The following CDK13 variants were observed in gnomAD, a reference collection of about 807,000 sequenced individuals.
CDK13 encodes the protein cyclin-dependent kinase 13.
CDK13 carries 40 observed loss-of-function variants against 137.6 expected under a neutral mutation model. The ratio of observed to expected loss-of-function variants is 0.29; its 90% CI spans 0.23 to 0.38. CDK13 has a LOEUF of 0.38. Ranked by LOEUF, CDK13 falls within the 10% of genes least tolerant of loss-of-function variation. CDK13 has a pLI of 1.00. For missense variants in CDK13, 1,704 were observed against 1,951.8 expected, an observed-to-expected ratio of 0.87 and a Z score of 2.39; for synonymous variants, 869 against 760.1, an observed-to-expected ratio of 1.14 and a Z score of -2.36.
intron 1 of CDK13, among the ~76,000 whole-genome samples, chr7:39,955,706 G>T (rs10236585): frequency 0.11 from 16,934 of 151,926 alleles, 3,100 homozygotes; most frequent in African/African-American, 0.38. Flanking sequence ...ATGAACAATT[G>T]GGTTTAAATC....
At chr7:39,992,238 C>G (rs1784479471) in intron 2 of CDK13, among the ~76,000 whole-genome samples, 1 of 151,770 alleles carries the variant, frequency 6.6e-6, no homozygotes, top group African/African-American at 2.4e-5. Flanking sequence ...TGCCCTGTTG[C>G]CCAGGCTGGA....
At chr7:40,027,796 CTT>C (rs932061384) in intron 5 of CDK13, among the ~76,000 whole-genome samples, 3 of 151,302 alleles carry the variant, frequency 2.0e-5, no homozygotes, top group Non-Finnish European at 4.4e-5. Context: ...GAGGTTGAGA[CTT>C]AACGCTGAGA....
intron 1 of CDK13, among the ~76,000 whole-genome samples, chr7:39,969,969 C>T (rs975375467): frequency 1.1e-4 from 16 of 150,836 alleles, no homozygotes; most frequent in African/African-American, 2.4e-4. Flanking sequence ...CAAGAGCAAA[C>T]GTTTTAAATT....
rs66520870 is a variant in CDK13, at chr7:39,991,484, A to AGTGTGT, written c.1871+3261_1871+3266dup. ...TTGTATCCACAAATACATTAGCAAA[A>AGTGTGT]GTGTGTGTGTGTGTGTGTGTGTGTG... is the stretch of plus-strand genomic sequence containing the variant. On this transcript the variant is annotated intron_variant, in intron 2 of 13. Coordinates refer to ENST00000181839, the MANE Select transcript of CDK13 (RefSeq NM_003718.5). Among the ~76,000 whole-genome samples, 501 of 143,772 alleles carry AGTGTGT rather than the reference A, an allele frequency of 3.5e-3. 1 individual carries two copies. Among genetic ancestry groups the AGTGTGT allele is most frequent in the South Asian group, 6.6e-3 (29 of 4,416 alleles). 94.3% of individuals were successfully genotyped at this position (143,772 alleles called of 152,430 possible). A position where few individuals can be genotyped will look rare whatever the true frequency, so the allele number is the denominator to read the frequency against.
At chr7:40,053,541 A>G (rs1402596990) in intron 7 of CDK13, among the ~76,000 whole-genome samples, 1 of 152,130 alleles carries the variant, frequency 6.6e-6, no homozygotes, top group African/African-American at 2.4e-5. Flanking sequence ...GTGAATCTAC[A>G]TAAGCTGTTT....
At chr7:39,997,090 TAA>T (rs1469469857) in intron 2 of CDK13, among the ~76,000 whole-genome samples, 1 of 151,524 alleles carries the variant, frequency 6.6e-6, no homozygotes, top group Admixed American at 6.6e-5. Context: ...TTTTAAAAAA[TAA>T]ACTTTATTTT....
chr7:40,063,901 C>T lies in CDK13; in HGVS notation c.2780+801C>T, dbSNP rs537897619. Among the ~76,000 whole-genome samples, 31 of 152,156 alleles carry T rather than the reference C, an allele frequency of 2.0e-4. No individual in the cohort carries two copies. In the East Asian group the frequency reaches 5.1e-3, roughly 25 times the overall value. On this transcript the variant is annotated intron_variant, in intron 9 of 13. Coordinates refer to ENST00000181839, the MANE Select transcript of CDK13 (RefSeq NM_003718.5). ...TTGAACTTCCAACCTCAGGTGACTG[C>T]CCCCCGCCTCGTTCTCCCAAAGTGC...
intron 9 of CDK13, among the ~76,000 whole-genome samples, chr7:40,074,780 C>T (rs1447385301): frequency 3.3e-5 from 5 of 150,822 alleles, no homozygotes; most frequent in African/African-American, 9.8e-5. Context: ...ATGATTGCAT[C>T]ACTGACCTCC....
rs1242642107 is a variant in CDK13 at position 40,099,051 on chromosome 7, A to G, written c.*4071A>G. 2 of 151,460 alleles carry G rather than the reference A, an allele frequency of 1.3e-5. No individual in the cohort carries two copies. Among genetic ancestry groups the G allele is most frequent in the Non-Finnish European group, 2.9e-5 (2 of 67,818 alleles). The allele number at this position is 151,460 out of a possible 1,614,324, so 9.4% of individuals were successfully genotyped here. ...TTCAAGGTTTTATGCAATAAAACCT[A>G]TTGATTTGGAACTTTAAAAAAAAAA... On this transcript the variant is annotated 3_prime_UTR_variant, in exon 14 of 14. Transcript: ENST00000181839.
chr7:40,093,686 C>T (rs1246586967), intron 13 of CDK13, among the ~76,000 whole-genome samples: 2 of 152,056 alleles, frequency 1.3e-5, no homozygotes, highest in South Asian at 4.1e-4. Flanking sequence ...GGGAAGATTG[C>T]CTGAACCCAG....
Position 39,951,982 on chromosome 7 carries a change from C to T in CDK13, c.1211+130C>T, listed in dbSNP as rs1583895618. 1.8e-5 allele frequency: 19 copies of T among 1,034,116 alleles called. No individual in the cohort carries two copies. The East Asian group carries it at 5.4e-4, about 29-fold the overall frequency. 64.1% of individuals were successfully genotyped at this position (1,034,116 alleles called of 1,614,324 possible). ...CCGAGACGAGACAACACCGCCTGAG[C>T]CTCCCAGGAAGGATAGGCGTTTTCG... On this transcript the variant is annotated intron_variant, in intron 1 of 13. Coordinates refer to ENST00000181839, the MANE Select transcript of CDK13 (RefSeq NM_003718.5).
At chr7:40,003,981 A>G (rs1261537897) in intron 5 of CDK13, among the ~76,000 whole-genome samples, 1 of 152,212 alleles carries the variant, frequency 6.6e-6, no homozygotes, top group African/African-American at 2.4e-5. Flanking sequence ...GGGAATAATT[A>G]TAATGGTTTG....
intron 5 of CDK13, among the ~76,000 whole-genome samples, chr7:40,030,458 A>T (rs1785353334): frequency 8.9e-6 from 1 of 112,786 alleles, no homozygotes. Flanking sequence ...TTGAGATAAG[A>T]GTCTTGGTCT....
chr7:39,983,413 G>A (rs1384140669), intron 1 of CDK13, among the ~76,000 whole-genome samples: 2 of 152,130 alleles, frequency 1.3e-5, no homozygotes, highest in Non-Finnish European at 2.9e-5. Flanking sequence ...GAGCAACTGC[G>A]CCCGGCCCCA....
intron 1 of CDK13, among the ~76,000 whole-genome samples, chr7:39,968,595 T>G (rs867157669): frequency 6.6e-6 from 1 of 152,366 alleles, no homozygotes; most frequent in Middle Eastern, 3.4e-3. Context: ...TTGGCTACTT[T>G]GCCAAAAATC....
chr7:39,963,195 A>G (rs1783789882), intron 1 of CDK13, among the ~76,000 whole-genome samples: 1 of 152,078 alleles, frequency 6.6e-6, no homozygotes, highest in South Asian at 2.1e-4. Flanking sequence ...ATGGCATTGA[A>G]TCTATAAATT....
At chr7:40,012,084 C>A (rs1001654048) in intron 5 of CDK13, among the ~76,000 whole-genome samples, 4 of 152,056 alleles carry the variant, frequency 2.6e-5, no homozygotes, top group Non-Finnish European at 5.9e-5. Flanking sequence ...AGTGAGTTAC[C>A]ACTTTATATC....
intron 1 of CDK13, among the ~76,000 whole-genome samples, chr7:39,954,434 T>G (rs1787340945): frequency 6.6e-6 from 1 of 152,248 alleles, no homozygotes; most frequent in African/African-American, 2.4e-5. Context: ...CTTTAATGAA[T>G]GGACTGCTGT....
chr7:39,993,605 GATA>G (rs1315648285), intron 2 of CDK13, among the ~76,000 whole-genome samples: 1 of 152,024 alleles, frequency 6.6e-6, no homozygotes, highest in Non-Finnish European at 1.5e-5. Context: ...TCATACCATG[GATA>G]ATGTTTCTTG....
Sources: allele counts gnomAD v4.1 joint callset (sites outside exome capture counted in the v4.1 genomes callset), GRCh38; gene constraint gnomAD v4.1.1; transcripts MANE v1.5; gene names NCBI Gene and HGNC (gene_info 2026-07-23, HGNC 2026-07-21).